Variants in PCDH11X observed in about 807,000 individuals in gnomAD.
PCDH11X encodes the protein protocadherin 11 X-linked, also known as protocadherin-11 X-linked.
Under a neutral mutation model 53.3 loss-of-function variants are expected in PCDH11X, and 18 were observed. The ratio of observed to expected loss-of-function variants is 0.34; its 90% CI spans 0.23 to 0.50. The LOEUF (loss-of-function observed/expected upper bound fraction) is 0.50, where lower values mean the gene tolerates loss of function less well. Ranked by LOEUF, PCDH11X falls within the 20% of genes least tolerant of loss-of-function variation. The probability of loss-of-function intolerance (pLI) is 0.98; values close to 1 mark genes in which losing one functional copy is unlikely to be tolerated. For missense variants in PCDH11X, 570 were observed against 1,032.4 expected, an observed-to-expected ratio of 0.55 and a Z score of 6.14; for synonymous variants, 279 against 393.3, an observed-to-expected ratio of 0.71 and a Z score of 3.44.
chrX:92,136,359 A>G (rs1433080536), intron 6 of PCDH11X, among the ~76,000 whole-genome samples: 4 of 110,503 alleles, frequency 3.6e-5, no homozygotes, highest in African/African-American at 1.3e-4. Flanking sequence ...GGAATAGGAG[A>G]TAAGGTCAGA....
At chrX:91,780,287 T>C (rs1177737868) in intron 1 of PCDH11X, among the ~76,000 whole-genome samples, 1 of 111,911 alleles carries the variant, frequency 8.9e-6, no homozygotes, top group Non-Finnish European at 1.9e-5. Context: ...TTCCCGGTGC[T>C]GTTTCTCTTG....
intron 6 of PCDH11X, among the ~76,000 whole-genome samples, chrX:91,996,074 CT>C: frequency 9.5e-6 from 1 of 105,665 alleles, no homozygotes; most frequent in South Asian, 4.4e-4. Context: ...ATCTCCTGAC[CT>C]TGTGATCCGC....
intron 9 of PCDH11X, among the ~76,000 whole-genome samples, chrX:92,430,577 C>G (rs1191300782): frequency 1.1e-5 from 1 of 94,481 alleles, no homozygotes; most frequent in East Asian, 2.9e-4. Context: ...AATTTGCAAC[C>G]TCCATGAGAT....
At chrX:92,553,466 T>C (rs1308544249) in intron 10 of PCDH11X, among the ~76,000 whole-genome samples, 4 of 110,539 alleles carry the variant, frequency 3.6e-5, no homozygotes, top group African/African-American at 1.3e-4. Context: ...AATCTTCTCT[T>C]TTTTTATTAG....
At chrX:92,519,885 A>G (rs2074337395) in intron 10 of PCDH11X, among the ~76,000 whole-genome samples, 1 of 110,049 alleles carries the variant, frequency 9.1e-6, no homozygotes, top group African/African-American at 3.3e-5. Context: ...CAATAGCTGT[A>G]TCTTTGGAGA....
intron 8 of PCDH11X, among the ~76,000 whole-genome samples, chrX:92,306,586 C>A (rs2068835347): frequency 1.9e-5 from 2 of 106,733 alleles, no homozygotes; most frequent in South Asian, 4.2e-4. Flanking sequence ...TAGGAAGGAA[C>A]CAAATAGCAC....
intron 6 of PCDH11X, among the ~76,000 whole-genome samples, chrX:92,145,351 CT>C (rs903952138): frequency 6.4e-5 from 7 of 110,197 alleles, no homozygotes; most frequent in Admixed American, 3.9e-4. Context: ...ATTTATTTTG[CT>C]TTGTATGGTC....
At chrX:92,267,890 A>G (rs1018593847) in intron 8 of PCDH11X, among the ~76,000 whole-genome samples, 4 of 112,054 alleles carry the variant, frequency 3.6e-5, no homozygotes, top group African/African-American at 9.7e-5. Context: ...TGTGTGTATC[A>G]GCTTAGGTGT....
At chrX:92,452,732 C>T (rs1252947248) in intron 9 of PCDH11X, among the ~76,000 whole-genome samples, 1 of 89,138 alleles carries the variant, frequency 1.1e-5, no homozygotes, top group Non-Finnish European at 2.2e-5. Context: ...CTCCTGACCT[C>T]ATGATCTGCC....
chrX:91,958,538 G>A (rs764385489), intron 6 of PCDH11X, among the ~76,000 whole-genome samples: 83 of 110,832 alleles, frequency 7.5e-4, no homozygotes, highest in Non-Finnish European at 1.2e-3. Flanking sequence ...GGTTTTTCAG[G>A]TGGGGTTGCG....
rs748923656 is a variant in PCDH11X at position 91,885,727 on chromosome X, AAAT to A, written c.3033+6458_3033+6460del. ...TATATATGAAGATGAAAATTCCTTGAAATAATTATCCAGAATTTCTTTAAAAGC... is the reference window on the plus strand; with the variant it reads ...TATATATGAAGATGAAAATTCCTTGAAATTATCCAGAATTTCTTTAAAAGC... On this transcript the variant is annotated intron_variant, in intron 6 of 10. Coordinates refer to ENST00000682573, the MANE Select transcript of PCDH11X (RefSeq NM_032968.5). Among the ~76,000 whole-genome samples, 469 of 111,520 alleles carry A rather than the reference AAAT, an allele frequency of 4.2e-3. 1 individual carries two copies. The highest frequency in any genetic ancestry group is 7.0e-3 in the Non-Finnish European group (372 of 53,039).
chrX:92,064,083 G>A (rs2063566790), intron 6 of PCDH11X, among the ~76,000 whole-genome samples: 1 of 105,164 alleles, frequency 9.5e-6, no homozygotes, highest in Non-Finnish European at 1.9e-5. Flanking sequence ...CTGGGGTTGG[G>A]TACTGGTAGG....
chrX:91,787,941 A>G (rs1935387372), intron 1 of PCDH11X, among the ~76,000 whole-genome samples: 2 of 111,699 alleles, frequency 1.8e-5, no homozygotes, highest in Non-Finnish European at 3.8e-5. Flanking sequence ...TGCAGGTTTT[A>G]TAGACTCTGA....
intron 10 of PCDH11X, among the ~76,000 whole-genome samples, chrX:92,579,784 G>A (rs974033518): frequency 7.2e-5 from 8 of 111,664 alleles, no homozygotes; most frequent in Non-Finnish European, 1.3e-4. Flanking sequence ...CTGAGTGCTT[G>A]CTAAAGAGAT....
At chrX:91,969,723 G>C in intron 6 of PCDH11X, among the ~76,000 whole-genome samples, 1 of 107,685 alleles carries the variant, frequency 9.3e-6, no homozygotes. Context: ...CTTGAGCTTA[G>C]GTGGCTGAGG....
chrX:92,303,893 T>A (rs1380469436), intron 8 of PCDH11X, among the ~76,000 whole-genome samples: 1 of 110,375 alleles, frequency 9.1e-6, no homozygotes, highest in Non-Finnish European at 1.9e-5. Context: ...AAACAGTTCT[T>A]AAATGAGTTC....
At chrX:92,437,016 A>G (rs2072394773) in intron 9 of PCDH11X, among the ~76,000 whole-genome samples, 1 of 110,128 alleles carries the variant, frequency 9.1e-6, no homozygotes, top group African/African-American at 3.3e-5. Flanking sequence ...TGTTTGTAAC[A>G]CAAAGGATAG....
At chrX:92,290,942 C>G (rs1253240224) in intron 8 of PCDH11X, among the ~76,000 whole-genome samples, 1 of 98,854 alleles carries the variant, frequency 1.0e-5, no homozygotes, top group Non-Finnish European at 2.0e-5. Flanking sequence ...CTCTCTGTAA[C>G]TCACGTTGGA....
chrX:91,967,352 G>A (rs1458785218), intron 6 of PCDH11X, among the ~76,000 whole-genome samples: 8 of 110,480 alleles, frequency 7.2e-5, no homozygotes, highest in Non-Finnish European at 3.8e-5. Flanking sequence ...TGGCAAGCGC[G>A]CATTACCGCC....
Sources: allele counts gnomAD v4.1 joint callset (sites outside exome capture counted in the v4.1 genomes callset), GRCh38; gene constraint gnomAD v4.1.1; transcripts MANE v1.5; gene names NCBI Gene and HGNC (gene_info 2026-07-23, HGNC 2026-07-21).